The following NPEPPS variants were observed in gnomAD, a reference collection of about 807,000 sequenced individuals.
NPEPPS encodes the protein aminopeptidase puromycin sensitive, also known as puromycin-sensitive aminopeptidase.
A neutral mutation model predicts 115.5 loss-of-function variants in NPEPPS; 14 were observed. The ratio of observed to expected loss-of-function variants is 0.12; its 90% CI spans 0.08 to 0.19. The LOEUF is 0.19. Ranked by LOEUF, NPEPPS falls within the 10% of genes least tolerant of loss-of-function variation. The probability of loss-of-function intolerance (pLI) is 1.00; values close to 1 mark genes in which losing one functional copy is unlikely to be tolerated. For missense variants in NPEPPS, 523 were observed against 1,110.8 expected (o/e 0.47, Z 7.52); for synonymous variants, 285 against 390.6 (o/e 0.73, Z 3.19).
At chr17:47,547,767 C>T (rs944703610) in intron 2 of NPEPPS, among the ~76,000 whole-genome samples, 8 of 152,162 alleles carry the variant, frequency 5.3e-5, no homozygotes, top group Non-Finnish European at 1.0e-4. Flanking sequence ...TGGCTCACGC[C>T]TGTAATTCCA....
intron 22 of NPEPPS, among the ~76,000 whole-genome samples, chr17:47,621,110 G>A (rs1279772948): frequency 6.7e-6 from 1 of 148,524 alleles, no homozygotes; most frequent in Non-Finnish European, 1.5e-5. Context: ...GAGCCCAGAA[G>A]GTTGAGGCTG....
At chr17:47,617,902 CAG>C (rs772588757) in intron 19 of NPEPPS, among the ~76,000 whole-genome samples, 10 of 151,958 alleles carry the variant, frequency 6.6e-5, no homozygotes, top group Non-Finnish European at 1.3e-4. Context: ...ATTTTTGAGA[CAG>C]AGTCTCGCTC....
At chr17:47,606,211 G>T (rs1913506322) in intron 17 of NPEPPS, among the ~76,000 whole-genome samples, 1 of 152,108 alleles carries the variant, frequency 6.6e-6, no homozygotes, top group African/African-American at 2.4e-5. Flanking sequence ...AGACACAGGG[G>T]TCAGCTTTTT....
chr17:47,541,891 A>G (rs2143696115), intron 1 of NPEPPS, among the ~76,000 whole-genome samples: 1 of 151,980 alleles, frequency 6.6e-6, no homozygotes, highest in South Asian at 2.1e-4. Flanking sequence ...TATGAGAAGC[A>G]TTTTTTTTGT....
At chr17:47,579,536 A>G in intron 4 of NPEPPS, 25 bp downstream of exon 4, 1 of 1,543,130 alleles carries the variant, frequency 6.5e-7, no homozygotes, top group Non-Finnish European at 8.7e-7. Context: ...TCTCTAAAAT[A>G]TTATTATTCT....
At chr17:47,582,613 TG>T in intron 4 of NPEPPS, 128 bp from the exon 5 acceptor site, 1 of 718,232 alleles carries the variant, frequency 1.4e-6, no homozygotes. Context: ...GCTTGTTGCC[TG>T]GCACTGAAGA....
intron 12 of NPEPPS, among the ~76,000 whole-genome samples, chr17:47,593,897 A>G (rs1377192760): frequency 6.6e-6 from 1 of 152,168 alleles, no homozygotes; most frequent in Non-Finnish European, 1.5e-5. Context: ...TGATATGCCT[A>G]TAATCCCAGC....
At chr17:47,559,719 A>G (rs764160078) in intron 2 of NPEPPS, 2 of 451,014 alleles carry the variant, frequency 4.4e-6, no homozygotes, top group South Asian at 1.6e-5. Flanking sequence ...TTCAAGCCCA[A>G]AGGAGGGGGT....
At chr17:47,542,218 G>A (rs2317801) in intron 1 of NPEPPS, among the ~76,000 whole-genome samples, 5 of 152,100 alleles carry the variant, frequency 3.3e-5, no homozygotes, top group East Asian at 1.9e-4. Flanking sequence ...GGGAGACTGC[G>A]CATGAAATCT....
At chr17:47,527,319 C>A (rs1597798877), upstream of NPEPPS, among the ~76,000 whole-genome samples, 2 of 151,694 alleles carry the variant, frequency 1.3e-5, no homozygotes, top group African/African-American at 4.8e-5. Context: ...CCCATCTCTA[C>A]TAAAAATACA....
chr17:47,592,692 A>G (rs1422156995), intron 12 of NPEPPS, 147 bp downstream of exon 12: 11 of 649,476 alleles, frequency 1.7e-5, no homozygotes, highest in South Asian at 1.4e-4. Context: ...TTCAGGTTGA[A>G]TATCTCTAAT....
intron 21 of NPEPPS, 136 bp downstream of exon 21, chr17:47,619,300 T>C (rs1914393721): frequency 1.2e-6 from 1 of 867,062 alleles, no homozygotes; most frequent in Admixed American, 2.1e-5. Context: ...ACGCCTGTAA[T>C]ACCAGCACTT....
intron 19 of NPEPPS, among the ~76,000 whole-genome samples, chr17:47,615,310 T>A (rs1914136737): frequency 6.6e-6 from 1 of 152,154 alleles, no homozygotes; most frequent in Non-Finnish European, 1.5e-5. Flanking sequence ...ACTCCTGACC[T>A]TGTGATCCAC....
intron 17 of NPEPPS, among the ~76,000 whole-genome samples, chr17:47,610,182 A>G (rs1008539335): frequency 8.8e-6 from 1 of 114,098 alleles, no homozygotes; most frequent in African/African-American, 3.4e-5. Context: ...CACCCCCCCA[A>G]AAAAAAAGCC....
intron 3 of NPEPPS, among the ~76,000 whole-genome samples, chr17:47,571,253 G>GT (rs1305137904): frequency 6.6e-6 from 1 of 152,106 alleles, no homozygotes; most frequent in East Asian, 1.9e-4. Flanking sequence ...ATGTCTGGGT[G>GT]TTGACATAAT....
chr17:47,530,906 T>A (rs1488692015), upstream of NPEPPS, among the ~76,000 whole-genome samples: 1 of 151,428 alleles, frequency 6.6e-6, no homozygotes, highest in African/African-American at 2.4e-5. Context: ...CTCCTTCCAG[T>A]TGGAAGGCCG....
chr17:47,565,527 A>T (rs1348014135), intron 2 of NPEPPS, among the ~76,000 whole-genome samples: 3 of 137,178 alleles, frequency 2.2e-5, no homozygotes, highest in South Asian at 2.4e-4. Context: ...AAAAAAAAAA[A>T]GGTGATTCGA....
intron 1 of NPEPPS, among the ~76,000 whole-genome samples, chr17:47,538,119 C>G (rs3968305): frequency 0.025 from 3,829 of 151,168 alleles, 114 homozygotes; most frequent in East Asian, 0.11. Flanking sequence ...TCTTGAACTC[C>G]TGACCTCAGG....
At chr17:47,606,519 G>A (rs1416286114) in intron 17 of NPEPPS, among the ~76,000 whole-genome samples, 1 of 151,212 alleles carries the variant, frequency 6.6e-6, no homozygotes, top group African/African-American at 2.4e-5. Context: ...ACGCAGTGGC[G>A]CCATCTCGGT....
Sources: allele counts gnomAD v4.1 joint callset (sites outside exome capture counted in the v4.1 genomes callset), GRCh38; gene constraint gnomAD v4.1.1; transcripts MANE v1.5; gene names NCBI Gene and HGNC (gene_info 2026-07-23, HGNC 2026-07-21).